ITPA: variants seen among roughly 807,000 people sequenced by gnomAD.
ITPA encodes inosine triphosphatase.
In ITPA, 29 loss-of-function variants were observed where a neutral mutation model predicts 29.6. The ratio of observed to expected loss-of-function variants is 0.98; its 90% confidence interval spans 0.73 to 1.34. The LOEUF is 1.34. ITPA is among the 40% of genes most tolerant of loss of function. The probability of loss-of-function intolerance (pLI) is 0.00; values close to 1 mark genes in which losing one functional copy is unlikely to be tolerated. For synonymous variants in ITPA, 103 were observed against 99.3 expected (o/e 1.04, Z -0.22); for missense variants, 241 against 251.5 (o/e 0.96, Z 0.28).
In ITPA at chr20:3,214,002, G is replaced by T. The variant is rs759942180; in HGVS notation, c.207G>T (p.Leu69=). Residue 69 remains leucine, a synonymous_variant, in exon 4 of 8, where the codon CTG becomes CTT. Transcript: ENST00000380113. ...TGCTGCAGGTACAGGGGCCCGTGCT[G>T]GTTGAGGACACTTGTCTGTGCTTCA... is the stretch of plus-strand genomic sequence containing the variant. ...EAVRQVQGPV[L]VEDTCLCFNA... 1.9e-6 allele frequency: 3 copies of T among 1,614,186 alleles called. No individual in the cohort carries two copies. In the East Asian group the frequency reaches 6.7e-5, roughly 36 times the overall value.
intron 5 of ITPA, among the ~76,000 whole-genome samples, chr20:3,215,620 C>T (rs2067275591): frequency 6.6e-6 from 1 of 152,184 alleles, no homozygotes; most frequent in African/African-American, 2.4e-5. Context: ...GGAGGACTGC[C>T]CCTCCTGGAC....
upstream of ITPA, among the ~76,000 whole-genome samples, chr20:3,205,093 A>G (rs2067061558): frequency 6.6e-6 from 1 of 151,754 alleles, no homozygotes; most frequent in Non-Finnish European, 1.5e-5. Flanking sequence ...CTTGTGATCC[A>G]CCCACCTTGG....
intron 1 of ITPA, among the ~76,000 whole-genome samples, chr20:3,211,859 A>G (rs1426820118): frequency 6.6e-6 from 1 of 152,166 alleles, no homozygotes; most frequent in Non-Finnish European, 1.5e-5. Context: ...CTTTCTCAGG[A>G]AAATAGTTTC....
chr20:3,207,696 AAACAAC>A (rs369887745), upstream of ITPA, among the ~76,000 whole-genome samples: 1 of 150,696 alleles, frequency 6.6e-6, no homozygotes. Flanking sequence ...CTCCATCTCA[AAACAAC>A]AACAACAACA....
chr20:3,224,332 C>T (rs1355584045), downstream of ITPA, among the ~76,000 whole-genome samples: 1 of 152,208 alleles, frequency 6.6e-6, no homozygotes, highest in Non-Finnish European at 1.5e-5. Context: ...ACTCTGTGCC[C>T]TGGCGAAGCC....
In ITPA at chr20:3,220,537, A is replaced by AT. The variant is rs533044668; in HGVS notation, c.412-1298dup. Reference sequence around the variant, plus strand: ...CCCAATCATGTACCACCTCCGTTGTATTTTTTAAAGAGTAAAAAAAAATGT... The same window carrying AT: ...CCCAATCATGTACCACCTCCGTTGTATTTTTTTAAAGAGTAAAAAAAAATGT... On this transcript the variant is annotated intron_variant, in intron 6 of 7. Transcript: ENST00000380113. Among the ~76,000 whole-genome samples, 5 of 151,920 alleles carry AT rather than the reference A, an allele frequency of 3.3e-5. No individual in the cohort carries two copies. The South Asian group carries it at 8.3e-4, about 25-fold the overall frequency.
chr20:3,204,472 T>C, upstream of ITPA: 2 of 1,488,078 alleles, frequency 1.3e-6, no homozygotes, highest in Non-Finnish European at 1.8e-6. Flanking sequence ...GGCGCGACGG[T>C]CCACAAAGGC....
chr20:3,224,974 G>A (rs570098630), downstream of ITPA, among the ~76,000 whole-genome samples: 2 of 152,340 alleles, frequency 1.3e-5, no homozygotes, highest in East Asian at 3.9e-4. Context: ...GAAGGCCAAG[G>A]TGGGAGGATC....
downstream of ITPA, among the ~76,000 whole-genome samples, chr20:3,224,096 A>G (rs1300284410): frequency 6.6e-6 from 1 of 152,204 alleles, no homozygotes; most frequent in Non-Finnish European, 1.5e-5. Flanking sequence ...CAGGGCCTCC[A>G]TGAAGCCTTG....
intron 7 of ITPA, among the ~76,000 whole-genome samples, chr20:3,222,409 A>G (rs2067488577): frequency 6.6e-6 from 1 of 152,000 alleles, no homozygotes; most frequent in African/African-American, 2.4e-5. Context: ...ACGGGGTTTC[A>G]CCATGTTGGC....
At position 3,216,157 on chromosome 20, in the gene ITPA, G is replaced by GTTTTTTTTTTTT. The variant is rs71331043; in HGVS notation, c.295+854_295+865dup. Among the ~76,000 whole-genome samples the GTTTTTTTTTTTT allele has an allele frequency of 1.6e-4, 17 of 109,246 alleles. 1 individual carries two copies. The highest frequency in any genetic ancestry group is 5.7e-4 in the African/African-American group (15 of 26,106). The allele number at this position is 109,246 out of a possible 152,430, so 71.7% of individuals were successfully genotyped here. Reference sequence around the variant, plus strand: ...AGGCATGCGCCAGCACGCTGGCTAAGTTTTTTTTTTTTTTTTTTTTGAGAC... The same window carrying GTTTTTTTTTTTT: ...AGGCATGCGCCAGCACGCTGGCTAAGTTTTTTTTTTTTTTTTTTTTTTTTTTTTTTTTGAGAC... On this transcript the variant is annotated intron_variant, in intron 5 of 7. Coordinates refer to ENST00000380113, the MANE Select transcript of ITPA (RefSeq NM_033453.4).
In ITPA at chr20:3,223,496, G is replaced by C. The variant is rs2067521693; in HGVS notation, c.*34G>C. 5.2e-6 allele frequency: 8 copies of C among 1,549,196 alleles called. No individual in the cohort carries two copies. The highest frequency in any genetic ancestry group is 6.2e-6 in the Non-Finnish European group (7 of 1,130,116). On this transcript the variant is annotated 3_prime_UTR_variant, in exon 8 of 8. Coordinates refer to ENST00000380113, the MANE Select transcript of ITPA (RefSeq NM_033453.4). ...GCTGGAGGAGGCCCCTCAGGCCGGG[G>C]ATCTGGGGAGGGCTAGCCCAAAACC...
chr20:3,216,784 C>T (rs1469721347), intron 5 of ITPA, among the ~76,000 whole-genome samples: 3 of 151,898 alleles, frequency 2.0e-5, no homozygotes, highest in East Asian at 1.9e-4. Context: ...CACGGAGTTT[C>T]GCCATGTTGG....
chr20:3,220,662 C>G (rs1014382583), intron 6 of ITPA, among the ~76,000 whole-genome samples: 36 of 151,874 alleles, frequency 2.4e-4, no homozygotes, highest in Admixed American at 2.4e-3. Context: ...CATCCTCCCA[C>G]CTCAGCCTTC....
intron 4 of ITPA, among the ~76,000 whole-genome samples, chr20:3,214,314 AG>A (rs1434903366): frequency 1.3e-5 from 2 of 151,870 alleles, no homozygotes; most frequent in Non-Finnish European, 2.9e-5. Flanking sequence ...ATTTCAGGAA[AG>A]AGAAAACAAG....
At chr20:3,224,548 A>G (rs997026794), downstream of ITPA, among the ~76,000 whole-genome samples, 1 of 150,990 alleles carries the variant, frequency 6.6e-6, no homozygotes, top group African/African-American at 2.4e-5. Context: ...TCATTCCTTC[A>G]CTCCCCTCTT....
At chr20:3,223,972 C>T (rs940252267), downstream of ITPA, 2 of 179,534 alleles carry the variant, frequency 1.1e-5, no homozygotes, top group Admixed American at 5.4e-5. Context: ...CATTCGGATG[C>T]CACTGTGAGC....
Position 3,209,637 on chromosome 20 carries a change from G to A in ITPA, c.66+20G>A, listed in dbSNP as rs1168479874. 6.2e-7 allele frequency: 1 copy of A among 1,611,284 alleles called. No individual in the cohort carries two copies. The highest frequency in any genetic ancestry group is 8.5e-7 in the Non-Finnish European group (1 of 1,177,764). On this transcript the variant is annotated intron_variant, in intron 1 of 7. Coordinates refer to ENST00000380113, the MANE Select transcript of ITPA (RefSeq NM_033453.4). This position sits in a 1 kb window ranked among gnomAD's most constrained non-coding sequence, Gnocchi z 4.6. ...GAGGAGGTGCCGGGAGGGTGTTGGG[G>A]GCTAACTGGGAGGCGGCTGGGAATA...
rs1357817511 is a variant in ITPA, at chr20:3,209,682, G to C, written c.66+65G>C. 19 of 1,363,674 alleles carry C rather than the reference G, an allele frequency of 1.4e-5. No homozygotes were observed. The East Asian group carries it at 3.9e-4, about 28-fold the overall frequency. The allele number at this position is 1,363,674 out of a possible 1,614,324, so 84.5% of individuals were successfully genotyped here. A position where few individuals can be genotyped will look rare whatever the true frequency, so the allele number is the denominator to read the frequency against. On this transcript the variant is annotated intron_variant, in intron 1 of 7. Transcript: ENST00000380113. The surrounding 1 kb of genome is among the most constrained non-coding windows in gnomAD (Gnocchi z 4.6). ...GGAATAGGGCGGAGAAGGGGCTTCC[G>C]GGAGGAGGGAAGCACGTGGGAGGAG...
Sources: allele counts gnomAD v4.1 joint callset (sites outside exome capture counted in the v4.1 genomes callset), GRCh38; gene constraint gnomAD v4.1.1; non-coding constraint Gnocchi (gnomAD v3.1); transcripts MANE v1.5; gene names NCBI Gene and HGNC (gene_info 2026-07-23, HGNC 2026-07-21).